The following MRPL49 variants were observed in gnomAD, a reference collection of about 807,000 sequenced individuals.
MRPL49 encodes large ribosomal subunit protein mL49.
In MRPL49, 14 loss-of-function variants were observed where a neutral mutation model predicts 18.4. That is an observed-to-expected ratio of 0.76 (90% CI 0.50 to 1.19). MRPL49 has a LOEUF of 1.19. Among genes scored for constraint, MRPL49 ranks in the 50% most tolerant of loss-of-function variants. The pLI, the probability that MRPL49 is intolerant of heterozygous loss-of-function variation, is 0.00. For synonymous variants in MRPL49, 104 were observed against 86.2 expected (o/e 1.21, Z -1.14); for missense variants, 190 against 217.8 (o/e 0.87, Z 0.80).
chr11:65,125,924 G>A lies in MRPL49; in HGVS notation c.*52G>A. The A allele has an allele frequency of 6.4e-7, 1 of 1,551,734 alleles. No individual in the cohort carries two copies. The highest frequency in any genetic ancestry group is 8.7e-7 in the Non-Finnish European group (1 of 1,148,230). ...GCATGCCCTGTGGATCAAGTCTAGG[G>A]GGCCTCAGGAGGAGGGAGGTGGGTG... On this transcript the variant is annotated 3_prime_UTR_variant, in exon 4 of 4. Transcript: ENST00000279242.
In MRPL49 at chr11:65,124,580, C is replaced by A. The variant is rs1386880904; in HGVS notation, c.157C>A (p.Pro53Thr). The change falls in exon 2 of 4, where the codon CCG (proline) becomes ACG (threonine). Residue 53 changes from proline (P) to threonine (T), a missense_variant. Physicochemically the swap from Pro to Thr is conservative, Grantham distance 38. Transcript: ENST00000279242. ...DEYQFVERLL[P>T]ATRIPDPPKH... ...ATATCAGTTTGTGGAGCGCCTGTTA[C>A]CGGCTACCAGGATCCCAGATCCCCC... 6.2e-7 allele frequency: 1 copy of A among 1,614,064 alleles called. No individual in the cohort carries two copies. Among genetic ancestry groups the A allele is most frequent in the Non-Finnish European group, 8.5e-7 (1 of 1,180,042 alleles).
At chr11:65,122,750 C>T (rs571630200) in intron 1 of MRPL49, among the ~76,000 whole-genome samples, 11 of 142,348 alleles carry the variant, frequency 7.7e-5, no homozygotes, top group Non-Finnish European at 1.5e-4. Flanking sequence ...GACGGAGTCT[C>T]GCTCTGTCGC....
At chr11:65,123,546 C>T (rs1403800739) in intron 1 of MRPL49, among the ~76,000 whole-genome samples, 2 of 152,120 alleles carry the variant, frequency 1.3e-5, no homozygotes, top group African/African-American at 4.8e-5. Context: ...ACAAGCCTGG[C>T]CAACATGGTG....
In MRPL49 at chr11:65,126,995, G is replaced by T. The variant is rs1308339502; in HGVS notation, c.*1123G>T. The T allele has an allele frequency of 1.5e-6, 1 of 686,978 alleles. No homozygotes were observed. Among genetic ancestry groups the T allele is most frequent in the Admixed American group, 2.2e-5 (1 of 46,480 alleles). The allele number at this position is 686,978 out of a possible 1,614,324, so 42.6% of individuals were successfully genotyped here. ...ATACTTGGAGTCACAGGGGCCAAAG[G>T]CCTGAGACCCCACCCTGCCCCCAAA... On this transcript the variant is annotated 3_prime_UTR_variant, in exon 4 of 4. Transcript: ENST00000279242.
intron 2 of MRPL49, 194 bp downstream of exon 2, chr11:65,124,846 C>T: frequency 1.7e-6 from 1 of 573,948 alleles, no homozygotes. Flanking sequence ...TGGTACTCAT[C>T]CATCCACACT....
intron 2 of MRPL49, 23 bp downstream of exon 2, chr11:65,124,675 A>C (rs754905047): frequency 6.2e-7 from 1 of 1,611,942 alleles, no homozygotes; most frequent in Non-Finnish European, 8.5e-7. Context: ...GTTAGGGATG[A>C]TTTGAAAGCT....
rs1948103842 is a variant in MRPL49 at position 65,126,517 on chromosome 11, CCA to C, written c.*646_*647del. 6.4e-6 allele frequency: 1 copy of C among 155,994 alleles called. No homozygotes were observed. The highest frequency in any genetic ancestry group is 1.4e-5 in the Non-Finnish European group (1 of 70,652). 9.7% of individuals were successfully genotyped at this position (155,994 alleles called of 1,614,324 possible). ...ATTTGGTGGAAGCAGTAGCCCAACC[CCA>C]GTTTAGGGGAAGGTAGCACAGGGCA... On this transcript the variant is annotated 3_prime_UTR_variant, in exon 4 of 4. Transcript: ENST00000279242.
intron 1 of MRPL49, among the ~76,000 whole-genome samples, chr11:65,123,208 T>C (rs1033516361): frequency 2.0e-5 from 3 of 152,148 alleles, no homozygotes; most frequent in African/African-American, 7.2e-5. Flanking sequence ...CTTGATTGAC[T>C]TTTCAGAAGT....
intron 1 of MRPL49, among the ~76,000 whole-genome samples, chr11:65,122,893 G>C (rs547810381): frequency 9.9e-4 from 150 of 152,044 alleles, no homozygotes; most frequent in Non-Finnish European, 1.7e-3. Context: ...CTAATTTTTT[G>C]TATTTTTAGT....
At chr11:65,124,298 C>G (rs1426397944) in intron 1 of MRPL49, among the ~76,000 whole-genome samples, 3 of 152,174 alleles carry the variant, frequency 2.0e-5, no homozygotes, top group African/African-American at 7.2e-5. Flanking sequence ...ACTCTCTCTT[C>G]GTGGCCCTCC....
Position 65,122,329 on chromosome 11 carries a change from C to T in MRPL49, c.-18C>T, listed in dbSNP as rs554471127. ...ACCAGACAGTTGCGCGCACAGAAGG[C>T]TGGCGTAGCAGGTAAAGATGGCAGC... On this transcript the variant is annotated 5_prime_UTR_variant, in exon 1 of 4. Coordinates refer to ENST00000279242, the MANE Select transcript of MRPL49 (RefSeq NM_004927.4). 8.1e-6 allele frequency: 13 copies of T among 1,609,988 alleles called. No homozygotes were observed. In the South Asian group the frequency reaches 1.1e-4, roughly 14 times the overall value.
intron 2 of MRPL49, chr11:65,125,251 A>AT (rs1483997657): frequency 3.9e-6 from 2 of 513,782 alleles, no homozygotes; most frequent in South Asian, 2.7e-5. Flanking sequence ...CCCTGATTTC[A>AT]TTTTTTCTTG....
At chr11:65,124,887 A>C in intron 2 of MRPL49, 3 of 443,312 alleles carry the variant, frequency 6.8e-6, no homozygotes, top group Non-Finnish European at 1.2e-5. Flanking sequence ...ATATGGGGGA[A>C]AGTAAACAAC....
chr11:65,122,214 T>G, upstream of MRPL49: 1 of 946,636 alleles, frequency 1.1e-6, no homozygotes, highest in Non-Finnish European at 1.6e-6. Flanking sequence ...TCCCTGCTAT[T>G]TGTACCGCCC....
rs1380384394 is a variant in MRPL49, at chr11:65,124,579, A to G, written c.156A>G (p.Leu52=). The change falls in exon 2 of 4, where the codon TTA becomes TTG. Residue 52 remains leucine, a synonymous_variant. Transcript: ENST00000279242. ...AATATCAGTTTGTGGAGCGCCTGTT[A>G]CCGGCTACCAGGATCCCAGATCCCC... ...VDEYQFVERL[L]PATRIPDPPK... The G allele has an allele frequency of 1.2e-6, 2 of 1,614,054 alleles. No homozygotes were observed. The highest frequency in any genetic ancestry group is 3.3e-5 in the Admixed American group (2 of 59,996).
chr11:65,124,775 C>G, intron 2 of MRPL49, 123 bp downstream of exon 2: 3 of 1,101,974 alleles, frequency 2.7e-6, no homozygotes, highest in Non-Finnish European at 3.8e-6. Flanking sequence ...TGCAATCCCT[C>G]TGGGTTACAT....
In MRPL49 at chr11:65,122,523, C is replaced by T. The variant is rs1948062255; in HGVS notation, c.78+99C>T. On this transcript the variant is annotated intron_variant, in intron 1 of 3. Coordinates refer to ENST00000279242, the MANE Select transcript of MRPL49 (RefSeq NM_004927.4). ...AAACTAAGGCATTCCTACTTGGGGC[C>T]TTAGTTTTGCCGTTTTCGATCAGGA... 4 of 1,155,498 alleles carry T rather than the reference C, an allele frequency of 3.5e-6. 1 individual carries two copies. The South Asian group carries it at 5.6e-5, about 16-fold the overall frequency. 71.6% of individuals were successfully genotyped at this position (1,155,498 alleles called of 1,614,324 possible). A position where few individuals can be genotyped will look rare whatever the true frequency, so the allele number is the denominator to read the frequency against.
At chr11:65,122,640 C>T (rs1477606872) in intron 1 of MRPL49, among the ~76,000 whole-genome samples, 2 of 151,602 alleles carry the variant, frequency 1.3e-5, no homozygotes, top group Admixed American at 1.3e-4. Flanking sequence ...CTGGCAGTGT[C>T]TATATAAGCC....
rs1173773585 is a variant in MRPL49 at position 65,125,707 on chromosome 11, A to AT, written c.355-16dup. The AT allele has an allele frequency of 6.2e-7, 1 of 1,613,106 alleles. No individual in the cohort carries two copies. The highest frequency in any genetic ancestry group is 1.7e-5 in the Admixed American group (1 of 59,932). ...GGGAAGGGACTCTTGGCCTGACCTG[A>AT]TTTGTCATCTTTCCCCAGGCCCTGC... On this transcript the variant is annotated intron_variant, in intron 3 of 3. Transcript: ENST00000279242.
Sources: gnomAD v4.1 joint callset for allele counts (sites outside exome capture counted in the v4.1 genomes callset) on GRCh38, gnomAD v4.1.1 for gene constraint, MANE v1.5 for transcripts, NCBI Gene and HGNC (gene_info 2026-07-23, HGNC 2026-07-21) for gene names.